Variants in CDH12 observed in about 807,000 individuals in gnomAD.
CDH12 encodes the protein cadherin 12.
In CDH12, 41 loss-of-function variants were observed where a neutral mutation model predicts 74.1. That is an observed-to-expected ratio of 0.55 (90% CI 0.43 to 0.72). The LOEUF (loss-of-function observed/expected upper bound fraction) is 0.72, where lower values mean the gene tolerates loss of function less well. Among genes scored for constraint, CDH12 ranks in the 30% least tolerant of loss-of-function variants. The pLI, the probability that CDH12 is intolerant of heterozygous loss-of-function variation, is 0.00. For missense variants in CDH12, 945 were observed against 977.2 expected, an observed-to-expected ratio of 0.97 and a Z score of 0.44; for synonymous variants, 399 against 355.0, an observed-to-expected ratio of 1.12 and a Z score of -1.39.
intron 1 of CDH12, among the ~76,000 whole-genome samples, chr5:22,811,248 A>C (rs992153392): frequency 2.0e-5 from 3 of 152,080 alleles, no homozygotes; most frequent in Non-Finnish European, 4.4e-5. Context: ...AGAAGAGGAA[A>C]GCGAGGGCAA....
At chr5:22,797,159 C>A (rs1284509590) in intron 1 of CDH12, among the ~76,000 whole-genome samples, 1 of 147,876 alleles carries the variant, frequency 6.8e-6, no homozygotes, top group African/African-American at 2.5e-5. Flanking sequence ...GGTGGAGCCC[C>A]CATGAATGGG....
At chr5:21,760,745 G>C in intron 12 of CDH12, 70 bp from the exon 13 acceptor site, 1 of 894,714 alleles carries the variant, frequency 1.1e-6, no homozygotes. Context: ...GCTACTAAAT[G>C]TATTTAATGA....
intron 2 of CDH12, among the ~76,000 whole-genome samples, chr5:22,481,002 C>T (rs1425409328): frequency 2.6e-5 from 4 of 152,024 alleles, no homozygotes; most frequent in Non-Finnish European, 5.9e-5. Context: ...GTTATTTAGT[C>T]TTTGTGGGTT....
In CDH12 at chr5:22,555,606, T is replaced by C. The variant is rs138470549; in HGVS notation, c.-522-50242A>G. ...ATATAAAATAATTAAGCAAAAGATC[T>C]TGATTTATTTAAAACACTTCAAAAT... On this transcript the variant is annotated intron_variant, in intron 1 of 14. Transcript: ENST00000382254. Among the ~76,000 whole-genome samples, 88 of 151,994 alleles carry C rather than the reference T, an allele frequency of 5.8e-4. No individual in the cohort carries two copies. In the East Asian group the frequency reaches 0.017, roughly 29 times the overall value.
At chr5:21,813,411 C>CA (rs1747861862) in intron 9 of CDH12, among the ~76,000 whole-genome samples, 1 of 152,016 alleles carries the variant, frequency 6.6e-6, no homozygotes, top group Non-Finnish European at 1.5e-5. Context: ...ACCTGGGAGA[C>CA]AGAGGTTGCA....
chr5:22,005,913 C>T (rs1736927515), intron 5 of CDH12, among the ~76,000 whole-genome samples: 1 of 152,174 alleles, frequency 6.6e-6, no homozygotes, highest in East Asian at 1.9e-4. Context: ...ACTTCTAGTG[C>T]CAACCCTTTA....
At chr5:22,333,459 G>C (rs1410194041) in intron 3 of CDH12, among the ~76,000 whole-genome samples, 3 of 152,024 alleles carry the variant, frequency 2.0e-5, no homozygotes, top group Admixed American at 6.6e-5. Flanking sequence ...TTCTGCATGT[G>C]TATCCTGGAA....
Position 21,758,099 on chromosome 5 carries a change from C to T in CDH12, c.1634-2257G>A, listed in dbSNP as rs1358913942. Among the ~76,000 whole-genome samples, 2 of 152,186 alleles carry T rather than the reference C, an allele frequency of 1.3e-5. 1 individual carries two copies. Reference sequence around the variant, plus strand: ...TACTAACATTATTGGTTTAAGTTATCTCCTGAAATGGCTTCTGGATAGGGT... The same window carrying T: ...TACTAACATTATTGGTTTAAGTTATTTCCTGAAATGGCTTCTGGATAGGGT... On this transcript the variant is annotated intron_variant, in intron 13 of 14. Coordinates refer to ENST00000382254, the MANE Select transcript of CDH12 (RefSeq NM_004061.5).
chr5:21,866,256 G>C (rs1751320872), intron 6 of CDH12, among the ~76,000 whole-genome samples: 1 of 152,168 alleles, frequency 6.6e-6, no homozygotes, highest in Admixed American at 6.5e-5. Flanking sequence ...GGGCACTGCT[G>C]TAAAGATACC....
chr5:22,597,592 T>C (rs1037953956), intron 1 of CDH12, among the ~76,000 whole-genome samples: 1 of 152,350 alleles, frequency 6.6e-6, no homozygotes, highest in African/African-American at 2.4e-5. Context: ...TATTAATATC[T>C]GAAATTTCCT....
At position 21,783,355 on chromosome 5, in the gene CDH12, TA is replaced by T; in HGVS notation, c.1393+2del. 1.2e-6 allele frequency: 2 copies of T among 1,612,358 alleles called. No homozygotes were observed. The highest frequency in any genetic ancestry group is 1.7e-6 in the Non-Finnish European group (2 of 1,178,782). On this transcript the variant is annotated splice_donor_variant, in intron 11 of 14. Transcript: ENST00000382254. LOFTEE classifies it high-confidence loss of function. Reference sequence around the variant, plus strand: ...ACATTGATTCTGTCCATGCCATACTTACTAACTTTACTCGCAATTATGGAGA... The same window carrying T: ...ACATTGATTCTGTCCATGCCATACTTCTAACTTTACTCGCAATTATGGAGA...
intron 5 of CDH12, among the ~76,000 whole-genome samples, chr5:22,056,258 G>C (rs897756762): frequency 6.6e-6 from 1 of 152,096 alleles, no homozygotes; most frequent in African/African-American, 2.4e-5. Flanking sequence ...TTAACATAAA[G>C]TATATATTTG....
intron 6 of CDH12, among the ~76,000 whole-genome samples, chr5:21,874,184 C>A (rs1751804092): frequency 6.6e-6 from 1 of 152,120 alleles, no homozygotes; most frequent in African/African-American, 2.4e-5. Context: ...AAAAAACAAA[C>A]AACCCCATTA....
chr5:22,063,561 CTTTCT>C (rs1267277590), intron 5 of CDH12, among the ~76,000 whole-genome samples: 1 of 151,944 alleles, frequency 6.6e-6, no homozygotes, highest in East Asian at 1.9e-4. Flanking sequence ...ACCAGTACTT[CTTTCT>C]TTTAACAGAC....
intron 3 of CDH12, among the ~76,000 whole-genome samples, chr5:22,342,436 A>G (rs1739894370): frequency 6.6e-6 from 1 of 152,152 alleles, no homozygotes; most frequent in Admixed American, 6.5e-5. Context: ...CAAGCCCCGC[A>G]GTATTCAGCA....
At chr5:22,741,319 A>G (rs7720171) in intron 1 of CDH12, among the ~76,000 whole-genome samples, 78,839 of 152,020 alleles carry the variant, frequency 0.52, 20,417 homozygotes, top group East Asian at 0.57. Context: ...ACATTTATTA[A>G]TTTTAACATG....
intron 1 of CDH12, among the ~76,000 whole-genome samples, chr5:22,534,253 T>C (rs1191739333): frequency 6.6e-6 from 1 of 152,060 alleles, no homozygotes; most frequent in Non-Finnish European, 1.5e-5. Flanking sequence ...TTTGGTTACA[T>C]GAGTACGTTA....
chr5:22,246,538 C>T (rs1017544357), intron 3 of CDH12, among the ~76,000 whole-genome samples: 3 of 152,076 alleles, frequency 2.0e-5, no homozygotes, highest in East Asian at 3.9e-4. Flanking sequence ...AGTCCCCAGG[C>T]ATTATTACAC....
rs56412354 is a variant in CDH12, at chr5:22,481,023, A to T, written c.-428+24247T>A. 3.1e-3 allele frequency among the ~76,000 whole-genome samples: 471 copies of T among 152,336 alleles called. 4 individuals are homozygous for T. The highest frequency in any genetic ancestry group is 0.011 in the African/African-American group (451 of 41,568). On this transcript the variant is annotated intron_variant, in intron 2 of 14. Coordinates refer to ENST00000382254, the MANE Select transcript of CDH12 (RefSeq NM_004061.5). ...TAGTCTTTGTGGGTTATTGACTAGT[A>T]TTAAAAAAATTATTATGACTTTTCA...
Sources: gnomAD v4.1 joint callset for allele counts (sites outside exome capture counted in the v4.1 genomes callset) on GRCh38, gnomAD v4.1.1 for gene constraint, MANE v1.5 for transcripts, NCBI Gene and HGNC (gene_info 2026-07-23, HGNC 2026-07-21) for gene names.